Variants in EIF2S1 observed in about 807,000 individuals in gnomAD.
The protein encoded by EIF2S1 is eukaryotic translation initiation factor 2 subunit alpha, also known as eukaryotic translation initiation factor 2 subunit 1.
EIF2S1 carries 5 observed loss-of-function variants against 33.5 expected under a neutral mutation model. The observed-to-expected ratio is 0.15, with a 90% CI of 0.08 to 0.31. EIF2S1 has a LOEUF of 0.31. Among genes scored for constraint, EIF2S1 ranks in the 10% least tolerant of loss-of-function variants. The pLI is 1.00. For missense variants in EIF2S1, 191 were observed against 384.6 expected (o/e 0.50, Z 4.21); for synonymous variants, 99 against 127.5 (o/e 0.78, Z 1.51).
intron 4 of EIF2S1, 145 bp from the exon 5 acceptor site, chr14:67,380,514 C>G (rs2085882419): frequency 4.8e-6 from 2 of 418,732 alleles, no homozygotes; most frequent in Non-Finnish European, 4.3e-6. Context: ...GATTTGAATT[C>G]TAATTGTGAC....
At chr14:67,377,310 G>A (rs2085861930) in intron 4 of EIF2S1, among the ~76,000 whole-genome samples, 1 of 152,098 alleles carries the variant, frequency 6.6e-6, no homozygotes, top group African/African-American at 2.4e-5. Context: ...AATCAGTCTT[G>A]CAGGTTGGTC....
In EIF2S1 at chr14:67,363,218, G is replaced by A. The variant is rs900530909; in HGVS notation, c.-1-1549G>A. Among the ~76,000 whole-genome samples the A allele has an allele frequency of 3.4e-5, 5 of 149,192 alleles. No individual in the cohort carries two copies. The East Asian group carries it at 6.0e-4, about 18-fold the overall frequency. ...CAACAGTTTCCCCACCCCCACCCTC[G>A]AAAAGCCCTGTTTAAAAACGAAACA... is the stretch of plus-strand genomic sequence containing the variant. On this transcript the variant is annotated intron_variant, in intron 1 of 7. Transcript: ENST00000256383.
rs778311432 is a variant in EIF2S1 at position 67,383,804 on chromosome 14, A to G, written c.*364A>G. The G allele has an allele frequency of 2.1e-5, 6 of 283,330 alleles. No individual in the cohort carries two copies. The highest frequency in any genetic ancestry group is 1.8e-4 in the South Asian group (5 of 28,412). The allele number at this position is 283,330 out of a possible 1,614,324, so 17.6% of individuals were successfully genotyped here. ...GGGGCATCCAAGGCAAACAATCCCA[A>G]TCTTTCTATATAAAATGTATTCAAG... is the stretch of plus-strand genomic sequence containing the variant. On this transcript the variant is annotated 3_prime_UTR_variant, in exon 8 of 8. Transcript: ENST00000256383.
At chr14:67,378,930 CAT>C (rs1408027059) in intron 4 of EIF2S1, among the ~76,000 whole-genome samples, 4 of 152,174 alleles carry the variant, frequency 2.6e-5, no homozygotes, top group Admixed American at 1.3e-4. Flanking sequence ...TGTTTTACTA[CAT>C]ATGTGTCTAT....
chr14:67,372,463 G>C (rs183654182), intron 2 of EIF2S1, among the ~76,000 whole-genome samples: 4 of 152,278 alleles, frequency 2.6e-5, no homozygotes, highest in Admixed American at 1.3e-4. Context: ...AAGAACTTAT[G>C]TTCTTTAAAG....
chr14:67,370,093 C>T (rs1419400485), intron 2 of EIF2S1, among the ~76,000 whole-genome samples: 1 of 152,268 alleles, frequency 6.6e-6, no homozygotes, highest in East Asian at 1.9e-4. Flanking sequence ...TTAATTGCAG[C>T]AGGAACACGT....
chr14:67,376,398 C>T, intron 3 of EIF2S1, 41 bp from the exon 4 acceptor site: 3 of 1,526,406 alleles, frequency 2.0e-6, no homozygotes, highest in South Asian at 1.3e-5. Flanking sequence ...TTTTATAAAT[C>T]TCTTATCTTT....
chr14:67,378,631 G>A (rs889318565), intron 4 of EIF2S1, among the ~76,000 whole-genome samples: 38 of 152,152 alleles, frequency 2.5e-4, no homozygotes, highest in African/African-American at 9.2e-4. Context: ...TGTCTCAACT[G>A]TCATCATCTG....
At chr14:67,371,737 A>G (rs184089697) in intron 2 of EIF2S1, among the ~76,000 whole-genome samples, 19 of 152,350 alleles carry the variant, frequency 1.2e-4, no homozygotes, top group Middle Eastern at 6.8e-3. Context: ...TATATATGCA[A>G]TCTATTGTTT....
intron 2 of EIF2S1, among the ~76,000 whole-genome samples, chr14:67,369,260 T>G (rs2085802878): frequency 6.6e-6 from 1 of 152,210 alleles, no homozygotes; most frequent in South Asian, 2.1e-4. Flanking sequence ...GACATAGTAT[T>G]TTCAGATTTA....
intron 2 of EIF2S1, among the ~76,000 whole-genome samples, chr14:67,371,594 C>A (rs934149905): frequency 2.6e-5 from 4 of 152,104 alleles, no homozygotes; most frequent in African/African-American, 9.7e-5. Context: ...CTCTATTATT[C>A]CTAGGCTACA....
At chr14:67,382,901 G>T (rs918916217) in intron 7 of EIF2S1, among the ~76,000 whole-genome samples, 1 of 140,766 alleles carries the variant, frequency 7.1e-6, no homozygotes, top group Non-Finnish European at 1.5e-5. Flanking sequence ...GTGTACGTGC[G>T]TGCGTGCGTG....
At chr14:67,376,316 C>T in intron 3 of EIF2S1, 123 bp from the exon 4 acceptor site, 1 of 974,712 alleles carries the variant, frequency 1.0e-6, no homozygotes, top group Non-Finnish European at 1.5e-6. Context: ...TGAGTATTTC[C>T]CTATGGAGAT....
At position 67,381,595 on chromosome 14, in the gene EIF2S1, A is replaced by G; in HGVS notation, c.583A>G (p.Ile195Val). 6.2e-7 allele frequency: 1 copy of G among 1,611,094 alleles called. No individual in the cohort carries two copies. Among genetic ancestry groups the G allele is most frequent in the East Asian group, 2.2e-5 (1 of 44,834 alleles). ...CTTTTGAATTTTTGTAATTGTAGAT[A>G]TTGAAGTGGCTTGTTATGGTTATGA... Reference protein sequence around the residue: ...TPQAVKIRADIEVACYGYEGI... With the variant: ...TPQAVKIRADVEVACYGYEGI... Residue 195 changes from isoleucine to valine, a missense_variant and splice_region_variant, in exon 6 of 8, where the codon ATT becomes GTT. Transcript: ENST00000256383.
intron 4 of EIF2S1, 97 bp downstream of exon 4, chr14:67,376,687 T>G: frequency 7.4e-7 from 1 of 1,348,538 alleles, no homozygotes; most frequent in Non-Finnish European, 1.0e-6. Context: ...ACTTGCCAAA[T>G]TTAGATTAAA....
At chr14:67,370,318 GC>G (rs1449742230) in intron 2 of EIF2S1, among the ~76,000 whole-genome samples, 1 of 152,218 alleles carries the variant, frequency 6.6e-6, no homozygotes, top group Non-Finnish European at 1.5e-5. Context: ...ATTTTAGGGG[GC>G]TTTCTCCCAA....
At chr14:67,376,666 A>G (rs960371141) in intron 4 of EIF2S1, 76 bp downstream of exon 4, 1 of 1,483,266 alleles carries the variant, frequency 6.7e-7, no homozygotes, top group African/African-American at 1.4e-5. Context: ...CATAGCATCC[A>G]TGTATAAAAT....
intron 1 of EIF2S1, chr14:67,364,212 T>G (rs2085759817): frequency 6.6e-6 from 1 of 152,206 alleles, no homozygotes. Flanking sequence ...ATTTTGTGAT[T>G]AAAATTTTTT....
chr14:67,360,497 G>T (rs936934285), intron 1 of EIF2S1, 41 bp downstream of exon 1: 1 of 329,856 alleles, frequency 3.0e-6, no homozygotes, highest in Non-Finnish European at 5.5e-6. Flanking sequence ...AACTCACTTT[G>T]GTTTGTGTCC....
Sources: gnomAD v4.1 joint callset for allele counts (sites outside exome capture counted in the v4.1 genomes callset) on GRCh38, gnomAD v4.1.1 for gene constraint, MANE v1.5 for transcripts, NCBI Gene and HGNC (gene_info 2026-07-23, HGNC 2026-07-21) for gene names.